Variants in MATN2 observed in about 807,000 individuals in gnomAD.
MATN2 encodes the protein matrilin 2.
A neutral mutation model predicts 103.2 loss-of-function variants in MATN2; 69 were observed. The ratio of observed to expected loss-of-function variants is 0.67; its 90% CI spans 0.55 to 0.82. MATN2 has a LOEUF of 0.82. MATN2 is among the 40% of genes least tolerant of loss of function. The probability of loss-of-function intolerance (pLI) is 0.00; values close to 1 mark genes in which losing one functional copy is unlikely to be tolerated. For missense variants in MATN2, 1,023 were observed against 1,211.5 expected, an observed-to-expected ratio of 0.84 and a Z score of 2.31; for synonymous variants, 429 against 450.2, an observed-to-expected ratio of 0.95 and a Z score of 0.60.
At chr8:98,033,438 C>A in intron 17 of MATN2, 123 bp from the exon 18 acceptor site, 1 of 657,946 alleles carries the variant, frequency 1.5e-6, no homozygotes, top group Non-Finnish European at 2.6e-6. Context: ...GATCTGGCTG[C>A]ATGGAAAAAG....
chr8:97,913,664 G>T (rs190125665), intron 2 of MATN2, among the ~76,000 whole-genome samples: 1 of 148,558 alleles, frequency 6.7e-6, no homozygotes, highest in Non-Finnish European at 1.5e-5. Flanking sequence ...GCCCAGGCTG[G>T]ATTGCAGTGG....
chr8:98,001,462 CTTTTTT>C (rs35005441), intron 7 of MATN2, among the ~76,000 whole-genome samples: 1 of 118,922 alleles, frequency 8.4e-6, no homozygotes, highest in African/African-American at 3.2e-5. Context: ...ACACTTTTGT[CTTTTTT>C]TTTTTTTTTT....
At chr8:97,994,261 G>GGAAGAAGGA (rs1554612742) in intron 6 of MATN2, among the ~76,000 whole-genome samples, 2 of 147,996 alleles carry the variant, frequency 1.4e-5, no homozygotes, top group Non-Finnish European at 3.0e-5. Flanking sequence ...GGAGGAGGAG[G>GGAAGAAGGA]GAAGAAGGAG....
intron 4 of MATN2, among the ~76,000 whole-genome samples, chr8:97,948,704 A>G (rs2130210491): frequency 6.6e-6 from 1 of 152,382 alleles, no homozygotes; most frequent in East Asian, 1.9e-4. Context: ...CATAACATGT[A>G]TAAAAATTAA....
At chr8:97,924,106 A>C (rs889451034) in intron 2 of MATN2, among the ~76,000 whole-genome samples, 2 of 152,152 alleles carry the variant, frequency 1.3e-5, no homozygotes, top group Non-Finnish European at 2.9e-5. Flanking sequence ...AGTCACTGTC[A>C]ACTACCTTTG....
chr8:97,943,597 C>T (rs748783662), intron 4 of MATN2, among the ~76,000 whole-genome samples: 2 of 152,144 alleles, frequency 1.3e-5, no homozygotes, highest in African/African-American at 2.4e-5. Flanking sequence ...CCTCAGCCTC[C>T]TGAGTATCAG....
intron 4 of MATN2, among the ~76,000 whole-genome samples, chr8:97,956,833 A>G (rs1348444983): frequency 6.6e-6 from 1 of 152,182 alleles, no homozygotes; most frequent in African/African-American, 2.4e-5. Context: ...CATCTCAGTC[A>G]TCTTCTGAGG....
chr8:98,002,398 C>T (rs532367947), intron 7 of MATN2, among the ~76,000 whole-genome samples: 10 of 152,334 alleles, frequency 6.6e-5, no homozygotes, highest in African/African-American at 1.9e-4. Flanking sequence ...CCAACCCCTG[C>T]GTCCCTAAAT....
At chr8:97,956,737 A>G (rs2130244292) in intron 4 of MATN2, among the ~76,000 whole-genome samples, 1 of 152,094 alleles carries the variant, frequency 6.6e-6, no homozygotes, top group South Asian at 2.1e-4. Context: ...CCTGCCTCCT[A>G]CCTCACTCTG....
chr8:97,991,474 C>T (rs1249613045), intron 6 of MATN2, among the ~76,000 whole-genome samples: 2 of 152,182 alleles, frequency 1.3e-5, no homozygotes, highest in Non-Finnish European at 2.9e-5. Flanking sequence ...GTAATCCTAG[C>T]ACTTTGAGAG....
chr8:98,029,199 A>G (rs1436183728), intron 14 of MATN2, among the ~76,000 whole-genome samples: 3 of 152,332 alleles, frequency 2.0e-5, no homozygotes, highest in African/African-American at 7.2e-5. Context: ...TTTCTAGCCC[A>G]AGAGTGGTAG....
Position 97,889,948 on chromosome 8 carries a change from C to T in MATN2, c.142+1706C>T, listed in dbSNP as rs528440858. On this transcript the variant is annotated intron_variant, in intron 2 of 18. Coordinates refer to ENST00000254898, the MANE Select transcript of MATN2 (RefSeq NM_002380.5). ...TTCCCTGGTTGTCAGCATTCACTGT[C>T]GTCCTCCTTTGCCTAGAAGCCCATT... Among the ~76,000 whole-genome samples the T allele has an allele frequency of 7.9e-5, 12 of 152,280 alleles. No homozygotes were observed. The East Asian group carries it at 2.1e-3, about 27-fold the overall frequency.
At chr8:97,913,314 ATT>A (rs5893435) in intron 2 of MATN2, among the ~76,000 whole-genome samples, 86 of 136,994 alleles carry the variant, frequency 6.3e-4, no homozygotes, top group Admixed American at 3.0e-3. Context: ...ACAGCAATCG[ATT>A]TTTTTTTTTT....
chr8:98,007,448 A>T lies in MATN2; in HGVS notation c.1451-31A>T. ...TCACTGTCGCCCAGAGGTCTCACTG[A>T]TAAAGGGCTGCCTGGCTTTTGGTTT... is the stretch of plus-strand genomic sequence containing the variant. On this transcript the variant is annotated intron_variant, in intron 9 of 18. Coordinates refer to ENST00000254898, the MANE Select transcript of MATN2 (RefSeq NM_002380.5). The surrounding 1 kb of genome is among the most constrained non-coding windows in gnomAD (Gnocchi z 4.2). 6.2e-7 allele frequency: 1 copy of T among 1,603,180 alleles called. No homozygotes were observed. The highest frequency in any genetic ancestry group is 1.1e-5 in the South Asian group (1 of 90,666).
At chr8:97,994,394 G>A (rs1812498531) in intron 6 of MATN2, 86 bp from the exon 7 acceptor site, 1 of 1,458,340 alleles carries the variant, frequency 6.9e-7, no homozygotes, top group Non-Finnish European at 9.3e-7. Context: ...TACCTGTTTG[G>A]GAAAATGAAG....
intron 13 of MATN2, among the ~76,000 whole-genome samples, chr8:98,023,528 G>A (rs929763426): frequency 6.6e-6 from 1 of 152,130 alleles, no homozygotes; most frequent in South Asian, 2.1e-4. Flanking sequence ...AAAATTAGCT[G>A]GTTGTGGTGG....
chr8:97,954,136 T>C (rs1237645932), intron 4 of MATN2, among the ~76,000 whole-genome samples: 1 of 152,148 alleles, frequency 6.6e-6, no homozygotes, highest in Admixed American at 6.5e-5. Flanking sequence ...CAAGTCTGGC[T>C]CCAAAGTCGA....
At chr8:97,968,044 G>A (rs891137916) in intron 5 of MATN2, among the ~76,000 whole-genome samples, 6 of 152,210 alleles carry the variant, frequency 3.9e-5, no homozygotes, top group African/African-American at 1.4e-4. Flanking sequence ...ACACCACATC[G>A]TAGCCACTAA....
chr8:97,878,710 G>A (rs772989820), intron 1 of MATN2, among the ~76,000 whole-genome samples: 9 of 151,814 alleles, frequency 5.9e-5, no homozygotes, highest in Non-Finnish European at 1.3e-4. Context: ...AATTAGCTGG[G>A]CATGGTGGCG....
Sources: allele counts gnomAD v4.1 joint callset (sites outside exome capture counted in the v4.1 genomes callset), GRCh38; gene constraint gnomAD v4.1.1; non-coding constraint Gnocchi (gnomAD v3.1); transcripts MANE v1.5; gene names NCBI Gene and HGNC (gene_info 2026-07-23, HGNC 2026-07-21).